The following CIZ1 variants were observed in gnomAD, a reference collection of about 807,000 sequenced individuals.
The protein encoded by CIZ1 is cip1-interacting zinc finger protein.
A neutral mutation model predicts 118.6 loss-of-function variants in CIZ1; 58 were observed. The ratio of observed to expected loss-of-function variants is 0.49; its 90% CI spans 0.40 to 0.61. CIZ1 has a LOEUF of 0.61. CIZ1 is among the 20% of genes least tolerant of loss of function. CIZ1 has a pLI of 0.00. For synonymous variants in CIZ1, 448 were observed against 443.4 expected (o/e 1.01, Z -0.13); for missense variants, 921 against 1,115.9 (o/e 0.83, Z 2.49).
At chr9:128,172,214 T>C (rs10739718) in intron 11 of CIZ1, among the ~76,000 whole-genome samples, 133,121 of 149,466 alleles carry the variant, frequency 0.89, 59,905 homozygotes, top group Middle Eastern at 0.96. Flanking sequence ...AAACCCTGGC[T>C]GGGCATGGTG....
chr9:128,180,577 G>T (rs1342690818), intron 6 of CIZ1, 54 bp from the exon 7 acceptor site: 2 of 1,494,816 alleles, frequency 1.3e-6, no homozygotes, highest in South Asian at 1.1e-5. Flanking sequence ...AAGCATCTCT[G>T]ACCTCCAAGA....
upstream of CIZ1, chr9:128,191,772 G>A: frequency 2.1e-6 from 3 of 1,414,008 alleles, no homozygotes; most frequent in Non-Finnish European, 9.2e-7. This position sits in a 1 kb window ranked among gnomAD's most constrained non-coding sequence, Gnocchi z 5.5. Flanking sequence ...GGGAGGCTCG[G>A]AGACCAAGGT....
At chr9:128,189,419 T>C (rs768869395) in intron 3 of CIZ1, among the ~76,000 whole-genome samples, 1 of 152,184 alleles carries the variant, frequency 6.6e-6, no homozygotes, top group African/African-American at 2.4e-5. Flanking sequence ...CAATACCGAC[T>C]TGTTATGTAA....
intron 11 of CIZ1, among the ~76,000 whole-genome samples, chr9:128,173,374 T>C (rs1199965979): frequency 1.3e-5 from 2 of 151,820 alleles, no homozygotes; most frequent in African/African-American, 4.8e-5. Flanking sequence ...CTCGATCTCC[T>C]GACCTCATGA....
intron 6 of CIZ1, 93 bp downstream of exon 6, chr9:128,180,628 G>A (rs1421132152): frequency 2.2e-6 from 3 of 1,349,844 alleles, no homozygotes; most frequent in Non-Finnish European, 3.1e-6. Context: ...AAGAACCCCT[G>A]CCTCCCACAC....
In CIZ1 at chr9:128,203,677, C is replaced by T; in HGVS notation, c.-6+509G>A. 1 of 1,444,660 alleles carries T rather than the reference C, an allele frequency of 6.9e-7. No homozygotes were observed. The highest frequency in any genetic ancestry group is 1.3e-5 in the South Asian group (1 of 75,322). The allele number at this position is 1,444,660 out of a possible 1,614,324, so 89.5% of individuals were successfully genotyped here. On this transcript the variant is annotated intron_variant, in intron 1 of 17. Transcript: ENST00000372948. The surrounding 1 kb of genome is among the most constrained non-coding windows in gnomAD (Gnocchi z 5.3). ...GGCGCCGACCCCCGACCCCCGGGAT[C>T]CCTGGAGTCCCCGCCCGGGGCACTG... is the stretch of plus-strand genomic sequence containing the variant.
chr9:128,201,908 G>A (rs549521722), intron 1 of CIZ1, among the ~76,000 whole-genome samples: 4 of 152,126 alleles, frequency 2.6e-5, no homozygotes, highest in Non-Finnish European at 4.4e-5. Flanking sequence ...TGCCTGCCTC[G>A]AAGATTCCTC....
upstream of CIZ1, among the ~76,000 whole-genome samples, chr9:128,192,561 G>C (rs947134460): frequency 6.7e-6 from 1 of 150,020 alleles, no homozygotes; most frequent in African/African-American, 2.5e-5. Flanking sequence ...TTATATTTTT[G>C]AGACGGAGTC....
rs764348822 is a variant in CIZ1, at chr9:128,180,543, G to A, written c.683-20C>T. 2.9e-5 allele frequency: 46 copies of A among 1,592,442 alleles called. No homozygotes were observed. Among genetic ancestry groups the A allele is most frequent in the East Asian group, 1.6e-4 (7 of 44,744 alleles). On this transcript the variant is annotated intron_variant, in intron 6 of 16. Transcript: ENST00000372938. Reference sequence around the variant, plus strand: ...CTTGGTCTGGAATGGAGGCATGAGCGAGGGAACTCATGTTGGGAAGAGCAA... The same window carrying A: ...CTTGGTCTGGAATGGAGGCATGAGCAAGGGAACTCATGTTGGGAAGAGCAA...
chr9:128,181,407 T>TA (rs1831594699), intron 5 of CIZ1, among the ~76,000 whole-genome samples: 1 of 152,254 alleles, frequency 6.6e-6, no homozygotes, highest in African/African-American at 2.4e-5. Context: ...TAATAAAATA[T>TA]AAAACAAGAA....
intron 11 of CIZ1, among the ~76,000 whole-genome samples, chr9:128,170,565 G>A (rs1424178987): frequency 1.3e-5 from 2 of 152,190 alleles, no homozygotes; most frequent in South Asian, 4.1e-4. Flanking sequence ...TGGGGTGGGA[G>A]GATGGCTTGA....
At chr9:128,182,483 T>A (rs1420289753) in intron 5 of CIZ1, among the ~76,000 whole-genome samples, 1 of 152,160 alleles carries the variant, frequency 6.6e-6, no homozygotes, top group Non-Finnish European at 1.5e-5. Flanking sequence ...ATGTCTCTTC[T>A]TCCAGGCTTA....
Position 128,166,448 on chromosome 9 carries a change from A to G in CIZ1, c.2488-42T>C. On this transcript the variant is annotated intron_variant, in intron 16 of 16. Transcript: ENST00000372938. The surrounding 1 kb of genome is among the most constrained non-coding windows in gnomAD (Gnocchi z 4.4). ...CAGGTAAGGTCAGGGTCTCCTCCCT[A>G]CATGGTATGCTCCTGGCCAGCAGCT... 1 of 1,420,648 alleles carries G rather than the reference A, an allele frequency of 7.0e-7. No individual in the cohort carries two copies. Among genetic ancestry groups the G allele is most frequent in the Non-Finnish European group, 9.5e-7 (1 of 1,050,080 alleles). The allele number at this position is 1,420,648 out of a possible 1,614,324, so 88.0% of individuals were successfully genotyped here.
upstream of CIZ1, among the ~76,000 whole-genome samples, chr9:128,193,132 T>C (rs1482687981): frequency 6.6e-6 from 1 of 152,068 alleles, no homozygotes; most frequent in African/African-American, 2.4e-5. Flanking sequence ...CCTGGACTAG[T>C]CGTGGAAGAG....
Position 128,166,220 on chromosome 9 carries a change from G to T in CIZ1, c.2674C>A (p.Arg892Ser). 1 of 1,493,100 alleles carries T rather than the reference G, an allele frequency of 6.7e-7. No individual in the cohort carries two copies. Among genetic ancestry groups the T allele is most frequent in the Non-Finnish European group, 9.0e-7 (1 of 1,111,966 alleles). The allele number at this position is 1,493,100 out of a possible 1,614,324, so 92.5% of individuals were successfully genotyped here. The change falls in exon 17 of 17, where the codon CGC becomes AGC. Residue 892 changes from arginine to serine, a missense_variant. By Grantham distance (110) the Arg-to-Ser change is moderately radical (BLOSUM62 -1). Transcript: ENST00000372938. The surrounding 1 kb of genome is among the most constrained non-coding windows in gnomAD (Gnocchi z 4.4). ...ARPSQPPLPR[R>S]STRLKT ...TATCAGGTTTTGAGGCGGGTTGAGC[G>T]CCGAGGTAGTGGGGGCTGGGAGGGT...
Position 128,187,861 on chromosome 9 carries a change from AC to A in CIZ1, c.358+1del. ...TATATATATATAAAAAGCATATAAT[AC>A]CCAGTGTTGCTGTGGGCATGGTGAG... is the stretch of plus-strand genomic sequence containing the variant. On this transcript the variant is annotated splice_donor_variant, in intron 4 of 16. Coordinates refer to ENST00000372938, the MANE Select transcript of CIZ1 (RefSeq NM_001131016.2). LOFTEE classifies it high-confidence loss of function. The A allele has an allele frequency of 1.4e-6, 1 of 718,710 alleles. No individual in the cohort carries two copies. Among genetic ancestry groups the A allele is most frequent in the South Asian group, 1.6e-5 (1 of 62,458 alleles). The allele number at this position is 718,710 out of a possible 1,614,324, so 44.5% of individuals were successfully genotyped here. A position where few individuals can be genotyped will look rare whatever the true frequency, so the allele number is the denominator to read the frequency against.
upstream of CIZ1, among the ~76,000 whole-genome samples, chr9:128,193,266 G>A (rs1240407865): frequency 6.6e-6 from 1 of 152,174 alleles, no homozygotes; most frequent in Non-Finnish European, 1.5e-5. Flanking sequence ...TCGAATGCTG[G>A]GCTGAGAAGT....
Position 128,177,562 on chromosome 9 carries a change from G to A in CIZ1, c.1818+4C>T, listed in dbSNP as rs1484462791. On this transcript the variant is annotated splice_donor_region_variant and intron_variant, in intron 10 of 16. Coordinates refer to ENST00000372938, the MANE Select transcript of CIZ1 (RefSeq NM_001131016.2). ...CTCCCCACCCTTATCTCCTGTATCAGTACCTGCTGGCTGGAGCAGCTGGCC... is the reference window on the plus strand; with the variant it reads ...CTCCCCACCCTTATCTCCTGTATCAATACCTGCTGGCTGGAGCAGCTGGCC... 3 of 823,890 alleles carry A rather than the reference G, an allele frequency of 3.6e-6. No individual in the cohort carries two copies. The highest frequency in any genetic ancestry group is 2.8e-5 in the Admixed American group (1 of 36,296). 51.0% of individuals were successfully genotyped at this position (823,890 alleles called of 1,614,324 possible). A position where few individuals can be genotyped will look rare whatever the true frequency, so the allele number is the denominator to read the frequency against.
Position 128,179,195 on chromosome 9 carries a change from G to A in CIZ1, c.1012C>T (p.Gln338Ter), listed in dbSNP as rs1289792503. ...PRIPSTDTQV[Q>*]PKLQKQAQTQ... ...TGCGCCTGCTTCTGCAGCTTTGGCT[G>A]CACCTGGGTGTCTGTGGATGGTATC... The change falls in exon 8 of 17, where the codon CAG becomes TAG. Residue 338 changes from glutamine to a stop codon, truncating the protein, a stop_gained. Coordinates refer to ENST00000372938, the MANE Select transcript of CIZ1 (RefSeq NM_001131016.2). LOFTEE classifies it high-confidence loss of function. 6.2e-7 allele frequency: 1 copy of A among 1,614,142 alleles called. No individual in the cohort carries two copies. Among genetic ancestry groups the A allele is most frequent in the Admixed American group, 1.7e-5 (1 of 60,032 alleles).
Sources: gnomAD v4.1 joint callset for allele counts (sites outside exome capture counted in the v4.1 genomes callset) on GRCh38, gnomAD v4.1.1 for gene constraint, Gnocchi (gnomAD v3.1) non-coding constraint, MANE v1.5 for transcripts, NCBI Gene and HGNC (gene_info 2026-07-23, HGNC 2026-07-21) for gene names.